Variants in KCNN1 observed in about 807,000 individuals in gnomAD.
The protein encoded by KCNN1 is potassium calcium-activated channel subfamily N member 1.
KCNN1 carries 20 observed loss-of-function variants against 44.7 expected under a neutral mutation model. The ratio of observed to expected loss-of-function variants is 0.45; its 90% CI spans 0.32 to 0.65. KCNN1 has a LOEUF of 0.65. Among genes scored for constraint, KCNN1 ranks in the 30% least tolerant of loss-of-function variants. The pLI is 0.05. For missense variants in KCNN1, 632 were observed against 785.3 expected, an observed-to-expected ratio of 0.80 and a Z score of 2.33; for synonymous variants, 324 against 341.7, an observed-to-expected ratio of 0.95 and a Z score of 0.57.
At chr19:17,988,182 C>T (rs935727468) in intron 5 of KCNN1, among the ~76,000 whole-genome samples, 2 of 138,604 alleles carry the variant, frequency 1.4e-5, no homozygotes, top group African/African-American at 2.6e-5. Flanking sequence ...AAAAAAGAAT[C>T]GTCCTACCTC....
chr19:17,973,407 C>T (rs182711520), intron 1 of KCNN1, among the ~76,000 whole-genome samples: 127 of 152,282 alleles, frequency 8.3e-4, no homozygotes, highest in African/African-American at 2.9e-3. Flanking sequence ...CAGCCTCCCA[C>T]GCAGCTGGGA....
At chr19:17,962,511 C>G (rs2031705348), upstream of KCNN1, among the ~76,000 whole-genome samples, 1 of 152,032 alleles carries the variant, frequency 6.6e-6, no homozygotes, top group African/African-American at 2.4e-5. Flanking sequence ...CCACAGTGTC[C>G]CTGCCTTAGA....
At chr19:17,959,492 A>G (rs12975609) in intron 2 of KCNN1, among the ~76,000 whole-genome samples, 17,763 of 151,380 alleles carry the variant, frequency 0.12, 1,120 homozygotes, top group South Asian at 0.15. Flanking sequence ...TCCTGACCTC[A>G]TGATCCACCC....
intron 5 of KCNN1, among the ~76,000 whole-genome samples, chr19:17,988,189 C>A (rs1378727904): frequency 2.0e-5 from 3 of 150,074 alleles, no homozygotes; most frequent in Non-Finnish European, 4.4e-5. Context: ...AATCGTCCTA[C>A]CTCCTGGAGT....
At chr19:17,951,803 T>C (rs1240797713) in intron 1 of KCNN1, among the ~76,000 whole-genome samples, 1 of 150,860 alleles carries the variant, frequency 6.6e-6, no homozygotes, top group African/African-American at 2.5e-5. Flanking sequence ...GAGGCTTTAA[T>C]TGTCTGCCTT....
rs557492038 is a variant in KCNN1 at position 17,999,914 on chromosome 19, C to G, written c.*1508C>G. The stretch of plus-strand genomic sequence containing the variant: ...GTGCTGGTCAGACCCGGGTTCGAGT[C>G]CTGACTCTGCCACTGCTGGGTGACT... On this transcript the variant is annotated 3_prime_UTR_variant, in exon 10 of 10. Coordinates refer to ENST00000684775, the MANE Select transcript of KCNN1 (RefSeq NM_001386974.1). 5 of 454,612 alleles carry G rather than the reference C, an allele frequency of 1.1e-5. No individual in the cohort carries two copies. The East Asian group carries it at 2.1e-4, about 19-fold the overall frequency. 28.2% of individuals were successfully genotyped at this position (454,612 alleles called of 1,614,324 possible).
In KCNN1 at chr19:17,955,729, G is replaced by T. The variant is rs2031527761; in HGVS notation, c.-82+1048G>T. Among the ~76,000 whole-genome samples the T allele has an allele frequency of 2.0e-5, 3 of 151,922 alleles. No homozygotes were observed. The South Asian group carries it at 6.2e-4, about 32-fold the overall frequency. On this transcript the variant is annotated intron_variant, in intron 2 of 10. Coordinates refer to the KCNN1 transcript ENST00000222249. ...TTGGGGAAACTATTCAGAGAGGCCA[G>T]ATGACCTAGAAGTGGGGTGTTGAGC... is the stretch of plus-strand genomic sequence containing the variant.
At chr19:17,962,877 AT>A (rs771846020), upstream of KCNN1, among the ~76,000 whole-genome samples, 4 of 147,330 alleles carry the variant, frequency 2.7e-5, no homozygotes, top group Non-Finnish European at 5.9e-5. Flanking sequence ...AATTTTTTGT[AT>A]TTTTAGTAGA....
intron 6 of KCNN1, among the ~76,000 whole-genome samples, chr19:17,989,364 A>C (rs759571248): frequency 4.6e-5 from 7 of 152,206 alleles, no homozygotes; most frequent in Non-Finnish European, 1.0e-4. Flanking sequence ...AGAGTGAGGC[A>C]GAAGAATCAC....
At chr19:17,990,211 C>T (rs1302351447) in intron 7 of KCNN1, among the ~76,000 whole-genome samples, 5 of 151,600 alleles carry the variant, frequency 3.3e-5, no homozygotes, top group Non-Finnish European at 7.3e-5. Flanking sequence ...ATGAATTGGG[C>T]CAGGTGCGGT....
At chr19:17,996,166 C>CAAAAA (rs757072562) in intron 9 of KCNN1, among the ~76,000 whole-genome samples, 2 of 92,112 alleles carry the variant, frequency 2.2e-5, no homozygotes, top group Admixed American at 1.2e-4. Flanking sequence ...TCCATTGCTA[C>CAAAAA]AAAAAAAAAA....
At chr19:17,952,258 C>G (rs1188738716) in intron 1 of KCNN1, 1 of 152,032 alleles carries the variant, frequency 6.6e-6, no homozygotes, top group Non-Finnish European at 1.5e-5. Context: ...TCCCGGCTCA[C>G]ACGCCCTTGC....
chr19:17,982,595 T>C (rs923011402), intron 4 of KCNN1: 8 of 985,128 alleles, frequency 8.1e-6, no homozygotes, highest in Admixed American at 6.2e-5. Flanking sequence ...CACCCTCCGC[T>C]GAGCTGTGTG....
intron 2 of KCNN1, among the ~76,000 whole-genome samples, chr19:17,959,860 G>A (rs1410171611): frequency 6.6e-6 from 1 of 151,946 alleles, no homozygotes; most frequent in Non-Finnish European, 1.5e-5. Flanking sequence ...TGAGGTGGGC[G>A]GATCACGAGG....
intron 7 of KCNN1, among the ~76,000 whole-genome samples, chr19:17,991,223 A>G (rs922486961): frequency 7.2e-5 from 11 of 152,188 alleles, no homozygotes; most frequent in African/African-American, 2.6e-4. Flanking sequence ...AGGCTGAGCC[A>G]GGAGGATCGC....
At position 17,999,584 on chromosome 19, in the gene KCNN1, G is replaced by A. The variant is rs1409627168; in HGVS notation, c.*1178G>A. On this transcript the variant is annotated 3_prime_UTR_variant, in exon 10 of 10. Coordinates refer to ENST00000684775, the MANE Select transcript of KCNN1 (RefSeq NM_001386974.1). ...GAGGGGTTATTTGGTGACATCCAGGGGTCAGAGAGACCCTTCAGGGGTGGG... is the reference window on the plus strand; with the variant it reads ...GAGGGGTTATTTGGTGACATCCAGGAGTCAGAGAGACCCTTCAGGGGTGGG... 6.0e-6 allele frequency: 1 copy of A among 166,598 alleles called. No individual in the cohort carries two copies. Among genetic ancestry groups the A allele is most frequent in the Non-Finnish European group, 1.3e-5 (1 of 75,692 alleles). 10.3% of individuals were successfully genotyped at this position (166,598 alleles called of 1,614,324 possible).
rs1465610916 is a variant in KCNN1, at chr19:17,973,853, G to A, written c.-36G>A. On this transcript the variant is annotated 5_prime_UTR_variant, in exon 2 of 10. Coordinates refer to ENST00000684775, the MANE Select transcript of KCNN1 (RefSeq NM_001386974.1). ...GCTGAGCCATGCCGGGCCCCGGGCG[G>A]CCTGCAGCGAGCCCAACCCCTGCAC... The A allele has an allele frequency of 3.2e-6, 5 of 1,542,484 alleles. No homozygotes were observed. Among genetic ancestry groups the A allele is most frequent in the Non-Finnish European group, 4.4e-6 (5 of 1,146,418 alleles).
upstream of KCNN1, among the ~76,000 whole-genome samples, chr19:17,966,019 G>GCCTTCCTTCCTT (rs1267649298): frequency 1.5e-5 from 2 of 132,018 alleles, no homozygotes; most frequent in South Asian, 2.4e-4. Flanking sequence ...CTGCCTGCCT[G>GCCTTCCTTCCTT]CCTGCCTTCC....
intron 9 of KCNN1, among the ~76,000 whole-genome samples, chr19:17,996,166 C>CAAA (rs757072562): frequency 0.13 from 12,038 of 91,818 alleles, 740 homozygotes; most frequent in East Asian, 0.19. Context: ...TCCATTGCTA[C>CAAA]AAAAAAAAAA....
Sources: allele counts gnomAD v4.1 joint callset (sites outside exome capture counted in the v4.1 genomes callset), GRCh38; gene constraint gnomAD v4.1.1; transcripts MANE v1.5; gene names NCBI Gene and HGNC (gene_info 2026-07-23, HGNC 2026-07-21).